NTNG1: variants seen among roughly 807,000 people sequenced by gnomAD.
NTNG1 encodes netrin G1.
A neutral mutation model predicts 54.0 loss-of-function variants in NTNG1; 16 were observed. The ratio of observed to expected loss-of-function variants is 0.30; its 90% CI spans 0.20 to 0.45. The LOEUF (loss-of-function observed/expected upper bound fraction) is 0.45. Among genes scored for constraint, NTNG1 ranks in the 20% least tolerant of loss-of-function variants. The pLI is 1.00. For missense variants in NTNG1, 530 were observed against 678.7 expected, an observed-to-expected ratio of 0.78 and a Z score of 2.43; for synonymous variants, 255 against 263.1, an observed-to-expected ratio of 0.97 and a Z score of 0.30.
chr1:107,304,572 A>AT (rs1426703833), intron 2 of NTNG1, among the ~76,000 whole-genome samples: 1 of 152,028 alleles, frequency 6.6e-6, no homozygotes, highest in Non-Finnish European at 1.5e-5. Context: ...ATCTCCAATT[A>AT]TTTTTCTGGA....
chr1:107,304,492 C>G (rs544814209), intron 2 of NTNG1, among the ~76,000 whole-genome samples: 1 of 152,228 alleles, frequency 6.6e-6, no homozygotes, highest in Admixed American at 6.5e-5. Flanking sequence ...GAGGCACTTC[C>G]AGAAAAAGTA....
intron 4 of NTNG1, among the ~76,000 whole-genome samples, chr1:107,397,541 C>A (rs1297763674): frequency 6.6e-6 from 1 of 152,098 alleles, no homozygotes; most frequent in Non-Finnish European, 1.5e-5. Context: ...ATCTCTAATG[C>A]GAGGATAATA....
chr1:107,223,001 C>G (rs763177392), intron 2 of NTNG1, among the ~76,000 whole-genome samples: 23 of 151,872 alleles, frequency 1.5e-4, no homozygotes, highest in Non-Finnish European at 1.5e-4. Flanking sequence ...TGAGCCAATG[C>G]TTCTCTAACT....
chr1:107,413,579 A>C (rs1415354183), intron 5 of NTNG1, among the ~76,000 whole-genome samples: 1 of 152,040 alleles, frequency 6.6e-6, no homozygotes, highest in East Asian at 1.9e-4. Context: ...AGGGAAGAAG[A>C]ATGTTTAAGT....
chr1:107,199,657 A>G (rs1044528218), intron 2 of NTNG1, among the ~76,000 whole-genome samples: 3 of 151,894 alleles, frequency 2.0e-5, no homozygotes, highest in African/African-American at 7.2e-5. Context: ...TTCCAATTTT[A>G]AACTGATTTA....
In NTNG1 at chr1:107,290,966, T is replaced by TATAC. The variant is rs1491558916; in HGVS notation, c.247-33313_247-33312insCATA. 2.7e-4 allele frequency among the ~76,000 whole-genome samples: 28 copies of TATAC among 104,444 alleles called. No individual in the cohort carries two copies. The East Asian group carries it at 5.2e-3, about 19-fold the overall frequency. 68.5% of individuals were successfully genotyped at this position (104,444 alleles called of 152,430 possible). A position where few individuals can be genotyped will look rare whatever the true frequency, so the allele number is the denominator to read the frequency against. On this transcript the variant is annotated intron_variant, in intron 2 of 7. Coordinates refer to ENST00000370068, the MANE Select transcript of NTNG1 (RefSeq NM_001113226.3). ...TTTTAAAGTGCATATATATATATTA[T>TATAC]ATATATATATATATATATACACACA...
intron 4 of NTNG1, among the ~76,000 whole-genome samples, chr1:107,404,099 A>G (rs201224900): frequency 7.2e-6 from 1 of 138,796 alleles, no homozygotes; most frequent in African/African-American, 2.6e-5. Flanking sequence ...ATATATATAT[A>G]TGTATAATTT....
In NTNG1 at chr1:107,403,525, T is replaced by C. The variant is rs1042866021; in HGVS notation, c.1061-4157T>C. ...AGGAGTTCAGGACCAGCGTGGCCAG[T>C]ACGGCAAAACCCCATCTCTACTAAA... is the stretch of plus-strand genomic sequence containing the variant. On this transcript the variant is annotated intron_variant, in intron 4 of 7. Transcript: ENST00000370068. 3 of 152,396 alleles carry C rather than the reference T, an allele frequency of 2.0e-5. No homozygotes were observed. In the East Asian group the frequency reaches 5.8e-4, roughly 29 times the overall value. 9.4% of individuals were successfully genotyped at this position (152,396 alleles called of 1,614,324 possible). A position where few individuals can be genotyped will look rare whatever the true frequency, so the allele number is the denominator to read the frequency against.
In NTNG1 at chr1:107,319,574, G is replaced by A. The variant is rs542687557; in HGVS notation, c.247-4708G>A. 2.6e-5 allele frequency among the ~76,000 whole-genome samples: 4 copies of A among 152,084 alleles called. No homozygotes were observed. In the South Asian group the frequency reaches 8.3e-4, roughly 32 times the overall value. On this transcript the variant is annotated intron_variant, in intron 2 of 7. Coordinates refer to ENST00000370068, the MANE Select transcript of NTNG1 (RefSeq NM_001113226.3). Reference sequence around the variant, plus strand: ...TGCTTCTTGCCTTTGTGTCTTTTTTGACTGTCACCAATAAAACAAGCAAGG... The same window carrying A: ...TGCTTCTTGCCTTTGTGTCTTTTTTAACTGTCACCAATAAAACAAGCAAGG...
chr1:107,240,687 A>C lies in NTNG1; in HGVS notation c.247-83595A>C, dbSNP rs578080402. Among the ~76,000 whole-genome samples the C allele has an allele frequency of 2.6e-5, 4 of 152,342 alleles. No individual in the cohort carries two copies. The South Asian group carries it at 8.3e-4, about 32-fold the overall frequency. ...ATACCTGGCTATCTGTTGGGTGTTC[A>C]TGAGTCCAGTTTGATTTTCATTGTT... On this transcript the variant is annotated intron_variant, in intron 2 of 7. Transcript: ENST00000370068.
chr1:107,391,515 A>C (rs2101074210), intron 3 of NTNG1, among the ~76,000 whole-genome samples: 1 of 152,302 alleles, frequency 6.6e-6, no homozygotes. Context: ...ACAGCTATAA[A>C]GAAATACCTA....
At chr1:107,384,383 A>G (rs373987528) in intron 3 of NTNG1, among the ~76,000 whole-genome samples, 13 of 152,306 alleles carry the variant, frequency 8.5e-5, no homozygotes, top group African/African-American at 3.1e-4. Context: ...GCCTAAATGT[A>G]CAAGAAGACT....
chr1:107,330,741 G>A (rs1668226424), intron 3 of NTNG1: 1 of 152,078 alleles, frequency 6.6e-6, no homozygotes, highest in African/African-American at 2.4e-5. Context: ...CTCAAATATA[G>A]GTTTGAGAAT....
chr1:107,237,925 G>A (rs144194429), intron 2 of NTNG1, among the ~76,000 whole-genome samples: 32 of 152,274 alleles, frequency 2.1e-4, no homozygotes, highest in African/African-American at 6.5e-4. Context: ...ATATGGGTTC[G>A]GATCCCCCAC....
chr1:107,408,537 C>T (rs1404034985), intron 5 of NTNG1: 1 of 152,070 alleles, frequency 6.6e-6, no homozygotes, highest in African/African-American at 2.4e-5. Context: ...GTAGCTCCCG[C>T]TTCATGTGTA....
chr1:107,215,927 T>C (rs1659924405), intron 2 of NTNG1, among the ~76,000 whole-genome samples: 1 of 152,124 alleles, frequency 6.6e-6, no homozygotes, highest in African/African-American at 2.4e-5. Flanking sequence ...GGGATTGAGT[T>C]CTTGATTTGA....
chr1:107,357,224 A>G (rs778031429), intron 3 of NTNG1, among the ~76,000 whole-genome samples: 11 of 152,174 alleles, frequency 7.2e-5, no homozygotes, highest in Non-Finnish European at 1.3e-4. Flanking sequence ...AGTATATGAG[A>G]GTACTATTTG....
chr1:107,201,564 T>C (rs1208993343), intron 2 of NTNG1, among the ~76,000 whole-genome samples: 2 of 151,868 alleles, frequency 1.3e-5, no homozygotes, highest in African/African-American at 2.4e-5. Context: ...TTTCCTTTGC[T>C]CCACACTCTC....
intron 3 of NTNG1, among the ~76,000 whole-genome samples, chr1:107,383,438 A>G (rs1381890799): frequency 6.6e-6 from 1 of 152,226 alleles, no homozygotes; most frequent in Non-Finnish European, 1.5e-5. Flanking sequence ...GGAAATAAAA[A>G]CCTAAATGAA....
Sources: gnomAD v4.1 joint callset for allele counts (sites outside exome capture counted in the v4.1 genomes callset) on GRCh38, gnomAD v4.1.1 for gene constraint, MANE v1.5 for transcripts, NCBI Gene and HGNC (gene_info 2026-07-23, HGNC 2026-07-21) for gene names.